CD99L2: variants seen among roughly 807,000 people sequenced by gnomAD.
CD99L2 encodes CD99 antigen-like protein 2.
CD99L2 carries 24 observed loss-of-function variants against 27.3 expected under a neutral mutation model. The ratio of observed to expected loss-of-function variants is 0.88; its 90% CI spans 0.64 to 1.24. The LOEUF is 1.24. Ranked by LOEUF, CD99L2 falls within the 50% of genes most tolerant of loss-of-function variation. The pLI, the probability that CD99L2 is intolerant of heterozygous loss-of-function variation, is 0.00. For missense variants in CD99L2, 255 were observed against 221.6 expected (o/e 1.15, Z -0.96); for synonymous variants, 97 against 87.9 (o/e 1.10, Z -0.58).
At chrX:150,817,145 T>C (rs1326954319) in intron 2 of CD99L2, among the ~76,000 whole-genome samples, 1 of 102,577 alleles carries the variant, frequency 9.7e-6, no homozygotes, top group Non-Finnish European at 2.0e-5. Flanking sequence ...CATGTATACA[T>C]ATGTAACTAA....
chrX:150,878,775 T>C (rs1557422401), intron 1 of CD99L2, among the ~76,000 whole-genome samples: 3 of 111,778 alleles, frequency 2.7e-5, no homozygotes, highest in African/African-American at 9.7e-5. Context: ...AAAGCAACAT[T>C]TAAATACATT....
At chrX:150,832,557 T>C (rs1212700362) in intron 1 of CD99L2, among the ~76,000 whole-genome samples, 1 of 111,861 alleles carries the variant, frequency 8.9e-6, no homozygotes, top group Non-Finnish European at 1.9e-5. Flanking sequence ...ATTCATTCAA[T>C]AGTGAAGAGT....
intron 7 of CD99L2, among the ~76,000 whole-genome samples, chrX:150,786,093 T>G (rs1386959226): frequency 1.8e-5 from 2 of 111,929 alleles, no homozygotes; most frequent in African/African-American, 6.5e-5. Flanking sequence ...GTATGAGAAC[T>G]GCAGTCACTC....
chrX:150,897,258 A>T (rs991757101), intron 1 of CD99L2, among the ~76,000 whole-genome samples: 7 of 112,388 alleles, frequency 6.2e-5, no homozygotes, highest in Non-Finnish European at 9.4e-5. Context: ...ATAGATTTCA[A>T]TGTTGGGCTT....
chrX:150,848,884 C>A (rs902849709), intron 1 of CD99L2, among the ~76,000 whole-genome samples: 1 of 111,064 alleles, frequency 9.0e-6, no homozygotes, highest in African/African-American at 3.3e-5. Context: ...CAGTAGATTA[C>A]CCTGGCACTA....
intron 7 of CD99L2, among the ~76,000 whole-genome samples, chrX:150,788,226 A>G (rs1176283487): frequency 9.0e-6 from 1 of 111,693 alleles, no homozygotes; most frequent in Non-Finnish European, 1.9e-5. Context: ...CCTAGGATGC[A>G]AGATTGGTTC....
intron 9 of CD99L2, among the ~76,000 whole-genome samples, chrX:150,771,608 G>A (rs1557419078): frequency 5.3e-5 from 6 of 112,227 alleles, no homozygotes. Context: ...CATCCAGCCT[G>A]GGGACAGAGT....
intron 1 of CD99L2, among the ~76,000 whole-genome samples, chrX:150,866,259 A>G (rs2047059051): frequency 8.9e-6 from 1 of 112,155 alleles, no homozygotes; most frequent in Non-Finnish European, 1.9e-5. Flanking sequence ...CAAAATGCCC[A>G]GGTAGGGGAT....
At chrX:150,860,320 C>A (rs1244077476) in intron 1 of CD99L2, among the ~76,000 whole-genome samples, 3 of 107,885 alleles carry the variant, frequency 2.8e-5, no homozygotes, top group Non-Finnish European at 5.8e-5. Context: ...AACATACGTT[C>A]AAAATACTAA....
chrX:150,778,686 ATATATAT>A (rs1264551696), intron 7 of CD99L2, among the ~76,000 whole-genome samples: 1,121 of 21,595 alleles, frequency 0.052, 6 homozygotes, highest in South Asian at 0.12. Flanking sequence ...AAAAAAAAAA[ATATATAT>A]ATATATATAT....
chrX:150,895,756 G>A (rs1187018914), intron 1 of CD99L2, among the ~76,000 whole-genome samples: 1 of 111,561 alleles, frequency 9.0e-6, no homozygotes, highest in African/African-American at 3.3e-5. Flanking sequence ...GGCTGGGCAC[G>A]GTGGCTCACA....
At chrX:150,812,304 T>C (rs147464079) in intron 4 of CD99L2, among the ~76,000 whole-genome samples, 33 of 112,340 alleles carry the variant, frequency 2.9e-4, no homozygotes, top group Admixed American at 1.3e-3. Flanking sequence ...GCAAACCATA[T>C]ATCTGACTAA....
chrX:150,815,019 T>C, intron 3 of CD99L2, 83 bp from the exon 4 acceptor site: 5 of 951,415 alleles, frequency 5.3e-6, no homozygotes, highest in Non-Finnish European at 7.5e-6. Context: ...AAAATGCCCA[T>C]GGGTTCAACT....
intron 1 of CD99L2, among the ~76,000 whole-genome samples, chrX:150,864,629 G>A (rs181192176): frequency 6.1e-4 from 69 of 112,353 alleles, no homozygotes; most frequent in African/African-American, 2.0e-3. Context: ...CACACCCTAG[G>A]ACAATTGGAA....
At chrX:150,804,000 A>G (rs2045957919) in intron 4 of CD99L2, among the ~76,000 whole-genome samples, 1 of 112,357 alleles carries the variant, frequency 8.9e-6, no homozygotes, top group Non-Finnish European at 1.9e-5. Flanking sequence ...TGGACAAGTC[A>G]TCCAGACAGA....
chrX:150,853,802 T>A (rs1231713544), intron 1 of CD99L2, among the ~76,000 whole-genome samples: 4 of 111,954 alleles, frequency 3.6e-5, no homozygotes, highest in Admixed American at 9.5e-5. Context: ...TGCACCATGT[T>A]CAAACCATTC....
chrX:150,834,407 T>A (rs1355848267), intron 1 of CD99L2, among the ~76,000 whole-genome samples: 2 of 111,679 alleles, frequency 1.8e-5, no homozygotes, highest in Non-Finnish European at 3.8e-5. Flanking sequence ...CAGGAGAATC[T>A]CTCGAACCAG....
intron 4 of CD99L2, 101 bp from the exon 5 acceptor site, chrX:150,795,587 G>A: frequency 2.4e-6 from 2 of 819,859 alleles, no homozygotes; most frequent in Non-Finnish European, 3.6e-6. Flanking sequence ...TTCTTGTCTT[G>A]GTCCTTGAGG....
At position 150,767,672 on chromosome X, in the gene CD99L2, AAACGCATGGG is replaced by A. The variant is rs1317162671; in HGVS notation, c.*1352_*1361del. On this transcript the variant is annotated 3_prime_UTR_variant, in exon 11 of 11. Transcript: ENST00000370377. ...AATCCCGCTCAGTGGACAGCCTATG[AAACGCATGGG>A]GCCATCATGCAGACCAAAGAGGCCC... The A allele has an allele frequency of 1.8e-5, 2 of 111,962 alleles. No individual in the cohort carries two copies. Among genetic ancestry groups the A allele is most frequent in the African/African-American group, 6.5e-5 (2 of 30,799 alleles). 9.2% of individuals were successfully genotyped at this position (111,962 alleles called of 1,213,427 possible). A position where few individuals can be genotyped will look rare whatever the true frequency, so the allele number is the denominator to read the frequency against.
Sources: allele counts gnomAD v4.1 joint callset (sites outside exome capture counted in the v4.1 genomes callset), GRCh38; gene constraint gnomAD v4.1.1; transcripts MANE v1.5; gene names NCBI Gene and HGNC (gene_info 2026-07-23, HGNC 2026-07-21).